TRIM29: variants seen among roughly 807,000 people sequenced by gnomAD.
TRIM29 encodes tripartite motif-containing protein 29.
A neutral mutation model predicts 57.3 loss-of-function variants in TRIM29; 52 were observed. That is an observed-to-expected ratio of 0.91 (90% CI 0.73 to 1.14). TRIM29 has a LOEUF of 1.14. Ranked by LOEUF, TRIM29 falls within the 50% of genes most tolerant of loss-of-function variation. The pLI, the probability that TRIM29 is intolerant of heterozygous loss-of-function variation, is 0.00. For missense variants in TRIM29, 753 were observed against 774.6 expected, an observed-to-expected ratio of 0.97 and a Z score of 0.33; for synonymous variants, 319 against 316.9, an observed-to-expected ratio of 1.01 and a Z score of -0.07.
intron 7 of TRIM29, 50 bp from the exon 8 acceptor site, chr11:120,115,464 G>A (rs1241191968): frequency 6.5e-7 from 1 of 1,542,832 alleles, no homozygotes; most frequent in Non-Finnish European, 8.9e-7. Context: ...GGTGGTCAGG[G>A]GTGCCCGGGC....
intron 1 of TRIM29, among the ~76,000 whole-genome samples, chr11:120,132,991 AG>A (rs1863748258): frequency 6.6e-6 from 1 of 152,006 alleles, no homozygotes; most frequent in Admixed American, 6.5e-5. Flanking sequence ...GCCCACAGAG[AG>A]TTAGCACCCC....
chr11:120,132,467 C>T (rs1863740100), intron 1 of TRIM29, among the ~76,000 whole-genome samples: 1 of 152,214 alleles, frequency 6.6e-6, no homozygotes, highest in Non-Finnish European at 1.5e-5. Context: ...CTCTTGCTCT[C>T]TGATGCCAGG....
rs150954345 is a variant in TRIM29 at position 120,114,303 on chromosome 11, A to G, written c.1704+1035T>C. Among the ~76,000 whole-genome samples the G allele has an allele frequency of 0.021, 3,189 of 152,268 alleles. 177 individuals are homozygous for G. In the South Asian group the frequency reaches 0.24, roughly 11 times the overall value. ...AACAGAAACCTTCTTTTTTCTCCCC[A>G]TATCTGCTTTCTGCAGTCCTGCTGT... On this transcript the variant is annotated intron_variant, in intron 8 of 8. Transcript: ENST00000341846.
At chr11:120,115,064 T>A (rs1283193058) in intron 8 of TRIM29, among the ~76,000 whole-genome samples, 1 of 152,104 alleles carries the variant, frequency 6.6e-6, no homozygotes, top group Non-Finnish European at 1.5e-5. Flanking sequence ...CCAACAAGCA[T>A]TTGCCAAATA....
In TRIM29 at chr11:120,127,516, C is replaced by T. The variant is rs749157937; in HGVS notation, c.954G>A (p.Val318=). Residue 318 remains valine (V), a synonymous_variant, in exon 3 of 9, where the codon GTG becomes GTA. Transcript: ENST00000341846. ...CCTCCTTTTGCTTCTCCAGGTCCCG[C>T]ACCAGGTCCCGGAAGTTCTGCTCCA... is the stretch of plus-strand genomic sequence containing the variant. ...AILEQNFRDL[V]RDLEKQKEEV... The T allele has an allele frequency of 5.0e-5, 80 of 1,614,100 alleles. No homozygotes were observed. The highest frequency in any genetic ancestry group is 6.7e-5 in the Non-Finnish European group (79 of 1,180,044).
intron 8 of TRIM29, 146 bp from the exon 9 acceptor site, chr11:120,112,622 T>C (rs1863162709): frequency 9.4e-6 from 7 of 745,514 alleles, no homozygotes; most frequent in Non-Finnish European, 1.6e-5. Flanking sequence ...TCTGCAAGAT[T>C]TACCTACCCT....
At position 120,115,515 on chromosome 11, in the gene TRIM29, C is replaced by T. The variant is rs138678422; in HGVS notation, c.1628-101G>A. On this transcript the variant is annotated intron_variant, in intron 7 of 8. Transcript: ENST00000341846. ...TGCCTTCTCCAAAGTGACCACCAAG[C>T]ATCATCCAGCCCATTACCAAATGCA... 269 of 1,008,344 alleles carry T rather than the reference C, an allele frequency of 2.7e-4. No homozygotes were observed. In the African/African-American group the frequency reaches 3.9e-3, roughly 15 times the overall value. 62.5% of individuals were successfully genotyped at this position (1,008,344 alleles called of 1,614,324 possible).
intron 1 of TRIM29, among the ~76,000 whole-genome samples, chr11:120,135,244 G>A: frequency 6.6e-6 from 1 of 152,168 alleles, no homozygotes; most frequent in East Asian, 1.9e-4. Flanking sequence ...TCCTTTGCTT[G>A]TAGTCGAGGT....
chr11:120,131,766 T>C (rs1863727981), intron 1 of TRIM29, among the ~76,000 whole-genome samples: 1 of 151,540 alleles, frequency 6.6e-6, no homozygotes, highest in Non-Finnish European at 1.5e-5. Flanking sequence ...GTTCAGCTCT[T>C]GGCAATTTTT....
intron 8 of TRIM29, 96 bp from the exon 9 acceptor site, chr11:120,112,572 G>A: frequency 7.4e-7 from 1 of 1,346,764 alleles, no homozygotes. Flanking sequence ...AGGCAGCAGT[G>A]ATCCAAGACC....
At chr11:120,128,947 T>C (rs962438989) in intron 1 of TRIM29, 1 of 1,351,016 alleles carries the variant, frequency 7.4e-7, no homozygotes. Flanking sequence ...TTCTATGGCA[T>C]GACGTAGGGC....
At chr11:120,134,954 C>G (rs768521265) in intron 1 of TRIM29, among the ~76,000 whole-genome samples, 82 of 152,198 alleles carry the variant, frequency 5.4e-4, no homozygotes, top group Non-Finnish European at 1.1e-3. Context: ...CTCTGTGTAA[C>G]TAGACGGGCG....
intron 1 of TRIM29, among the ~76,000 whole-genome samples, chr11:120,133,841 G>C (rs1351401059): frequency 6.6e-6 from 1 of 152,206 alleles, no homozygotes; most frequent in Non-Finnish European, 1.5e-5. Flanking sequence ...AGAGAGTGGA[G>C]GAGGTGTGAG....
intron 6 of TRIM29, among the ~76,000 whole-genome samples, chr11:120,119,629 T>C (rs1038744053): frequency 6.6e-6 from 1 of 152,234 alleles, no homozygotes; most frequent in African/African-American, 2.4e-5. Flanking sequence ...GCCCAAGGTC[T>C]ACTGCATATG....
intron 3 of TRIM29, 133 bp downstream of exon 3, chr11:120,127,202 AT>A: frequency 1.4e-6 from 1 of 720,630 alleles, no homozygotes; most frequent in Non-Finnish European, 2.3e-6. Flanking sequence ...GGATGGTTGG[AT>A]GGCTGGATGG....
chr11:120,123,727 C>T (rs537905602), intron 4 of TRIM29: 12 of 339,564 alleles, frequency 3.5e-5, no homozygotes, highest in Non-Finnish European at 6.3e-5. Context: ...TTCTACTTTC[C>T]CTGTCCTTCC....
chr11:120,128,910 T>A, intron 1 of TRIM29: 4 of 1,419,384 alleles, frequency 2.8e-6, no homozygotes, highest in Non-Finnish European at 3.7e-6. Context: ...CCAGGGAGTG[T>A]CTCGTGGCAG....
chr11:120,137,622 T>C lies in TRIM29; in HGVS notation c.410A>G (p.Lys137Arg), dbSNP rs1318049293. ...GGGCTCCATGATGGACACCGTGGGC[T>C]TCCGGGACTCCGAGAAAATGGACTT... ...LRKSIFSESR[K>R]PTVSIMEPGE... Residue 137 changes from lysine to arginine, a missense_variant, in exon 1 of 9, where the codon AAG (lysine) becomes AGG (arginine). Physicochemically the swap from Lys to Arg is conservative, Grantham distance 26. Coordinates refer to ENST00000341846, the MANE Select transcript of TRIM29 (RefSeq NM_012101.4). The surrounding 1 kb of genome is among the most constrained non-coding windows in gnomAD (Gnocchi z 6.2). 1.2e-6 allele frequency: 2 copies of C among 1,613,666 alleles called. No homozygotes were observed. Among genetic ancestry groups the C allele is most frequent in the African/African-American group, 2.7e-5 (2 of 75,048 alleles).
chr11:120,122,809 C>G, intron 5 of TRIM29, 145 bp downstream of exon 5: 2 of 654,644 alleles, frequency 3.1e-6, no homozygotes, highest in South Asian at 3.7e-5. Context: ...CAGGACAACA[C>G]GTAGATGCCA....
Sources: gnomAD v4.1 joint callset for allele counts (sites outside exome capture counted in the v4.1 genomes callset) on GRCh38, gnomAD v4.1.1 for gene constraint, Gnocchi (gnomAD v3.1) non-coding constraint, MANE v1.5 for transcripts, NCBI Gene and HGNC (gene_info 2026-07-23, HGNC 2026-07-21) for gene names.